Variants in AGBL3 observed in about 807,000 individuals in gnomAD.
The protein encoded by AGBL3 is cytosolic carboxypeptidase 3.
A neutral mutation model predicts 94.5 loss-of-function variants in AGBL3; 68 were observed. The observed-to-expected ratio is 0.72, with a 90% CI of 0.59 to 0.88. The LOEUF (loss-of-function observed/expected upper bound fraction) is 0.88, where lower values mean the gene tolerates loss of function less well. Ranked by LOEUF, AGBL3 falls within the 40% of genes least tolerant of loss-of-function variation. The pLI is 0.00. For missense variants in AGBL3, 934 were observed against 1,103.8 expected, an observed-to-expected ratio of 0.85 and a Z score of 2.18; for synonymous variants, 354 against 370.7, an observed-to-expected ratio of 0.95 and a Z score of 0.52.
intron 16 of AGBL3, among the ~76,000 whole-genome samples, chr7:135,124,656 G>C (rs930282438): frequency 3.3e-5 from 5 of 152,070 alleles, no homozygotes; most frequent in African/African-American, 1.2e-4. Context: ...AAGTAAAACA[G>C]TCCTCAACAA....
intron 12 of AGBL3, among the ~76,000 whole-genome samples, chr7:135,071,410 A>G (rs967784120): frequency 2.0e-5 from 3 of 152,274 alleles, no homozygotes; most frequent in African/African-American, 7.2e-5. Context: ...GGAAAAAACT[A>G]CTTTAAAGTT....
At chr7:135,006,868 G>A (rs138015628) in intron 4 of AGBL3, among the ~76,000 whole-genome samples, 1 of 151,962 alleles carries the variant, frequency 6.6e-6, no homozygotes, top group African/African-American at 2.4e-5. Flanking sequence ...AGAAGACTAA[G>A]AGGATGTAAT....
Position 135,080,183 on chromosome 7 carries a change from T to C in AGBL3, c.1981-20T>C. ...TGTTGATAAAATAGCATTGTTTTCT[T>C]TGATTCTACATTCCATTAGGTTTAT... On this transcript the variant is annotated intron_variant, in intron 13 of 16. Transcript: ENST00000436302. 6.6e-7 allele frequency: 1 copy of C among 1,525,700 alleles called. No individual in the cohort carries two copies. The highest frequency in any genetic ancestry group is 1.2e-5 in the South Asian group (1 of 83,434). 94.5% of individuals were successfully genotyped at this position (1,525,700 alleles called of 1,614,324 possible). A position where few individuals can be genotyped will look rare whatever the true frequency, so the allele number is the denominator to read the frequency against.
At chr7:135,061,961 C>G (rs1000002142) in intron 12 of AGBL3, among the ~76,000 whole-genome samples, 1 of 151,958 alleles carries the variant, frequency 6.6e-6, no homozygotes, top group African/African-American at 2.4e-5. Flanking sequence ...ATCTGTAGAT[C>G]ACTTTGGGTA....
At chr7:135,059,479 C>T (rs1381575039) in intron 12 of AGBL3, among the ~76,000 whole-genome samples, 5 of 152,146 alleles carry the variant, frequency 3.3e-5, no homozygotes, top group Non-Finnish European at 7.4e-5. Flanking sequence ...AAAAGCCATA[C>T]AACTTGTTAG....
Position 135,034,934 on chromosome 7 carries a change from A to G in AGBL3, c.1337+6A>G, listed in dbSNP as rs1816154522. The G allele has an allele frequency of 1.4e-6, 2 of 1,479,748 alleles. No individual in the cohort carries two copies. The highest frequency in any genetic ancestry group is 2.5e-5 in the Admixed American group (1 of 39,404). The allele number at this position is 1,479,748 out of a possible 1,614,324, so 91.7% of individuals were successfully genotyped here. A position where few individuals can be genotyped will look rare whatever the true frequency, so the allele number is the denominator to read the frequency against. Reference sequence around the variant, plus strand: ...ACCCGGAACATGGTTCATAGGTAAAATAAGCCTCAAATTACCTCTGTGCTT... The same window carrying G: ...ACCCGGAACATGGTTCATAGGTAAAGTAAGCCTCAAATTACCTCTGTGCTT... On this transcript the variant is annotated splice_donor_region_variant and intron_variant, in intron 7 of 16. Transcript: ENST00000436302.
chr7:135,010,826 C>T (rs1307583349), intron 4 of AGBL3: 3 of 152,006 alleles, frequency 2.0e-5, no homozygotes, highest in Admixed American at 1.3e-4. Context: ...TTTAAAAGAC[C>T]TAAGTAAATA....
At chr7:135,030,077 A>G (rs1181010845) in intron 5 of AGBL3, among the ~76,000 whole-genome samples, 1 of 152,044 alleles carries the variant, frequency 6.6e-6, no homozygotes, top group African/African-American at 2.4e-5. Flanking sequence ...GAATTACCAA[A>G]ATATGACACA....
At chr7:134,999,122 T>C (rs1331611337) in intron 4 of AGBL3, among the ~76,000 whole-genome samples, 1 of 152,240 alleles carries the variant, frequency 6.6e-6, no homozygotes, top group Non-Finnish European at 1.5e-5. Flanking sequence ...TTAGACACTA[T>C]GGGCTGTAAA....
At position 135,034,463 on chromosome 7, in the gene AGBL3, A is replaced by G; in HGVS notation, c.872A>G (p.Asp291Gly). 6.4e-7 allele frequency: 1 copy of G among 1,551,800 alleles called. No individual in the cohort carries two copies. Among genetic ancestry groups the G allele is most frequent in the Non-Finnish European group, 8.7e-7 (1 of 1,146,996 alleles). Residue 291 changes from aspartate to glycine, a missense_variant, in exon 7 of 17, where the codon GAT (aspartate) becomes GGT (glycine). By Grantham distance (94) the Asp-to-Gly change is moderately conservative. This residue lies in a region of AGBL3 where 488 missense variants were observed against 563.6 expected (regional missense o/e 0.87). Transcript: ENST00000436302. ...ACATTTCAATTTCCACACAACAAAG[A>G]TACCTGCTACTTTGCTCATTGCTAT... ...TWTFQFPHNK[D>G]TCYFAHCYPY...
At chr7:135,049,469 ATTTGAG>A (rs1291175736) in intron 11 of AGBL3, among the ~76,000 whole-genome samples, 1 of 151,860 alleles carries the variant, frequency 6.6e-6, no homozygotes, top group African/African-American at 2.4e-5. Context: ...CTCTCCTTCT[ATTTGAG>A]TTTAAGAAGG....
chr7:135,092,985 G>C (rs116478347), intron 15 of AGBL3: 1 of 151,162 alleles, frequency 6.6e-6, no homozygotes, highest in Admixed American at 6.6e-5. Flanking sequence ...ATTCTTTCAT[G>C]ATTAAAAAAG....
At chr7:134,992,392 C>T (rs1417963429) in intron 3 of AGBL3, among the ~76,000 whole-genome samples, 1 of 152,228 alleles carries the variant, frequency 6.6e-6, no homozygotes, top group African/African-American at 2.4e-5. Context: ...CTCCCACTTT[C>T]CCATTTCTAA....
Position 135,032,800 on chromosome 7 carries a change from T to C in AGBL3, c.419-44T>C, listed in dbSNP as rs1184397094. On this transcript the variant is annotated intron_variant, in intron 5 of 16. Transcript: ENST00000436302. The stretch of plus-strand genomic sequence containing the variant: ...ACTCTGTGCAGAATAACCTTCTTAC[T>C]TTAGGTATACCTTGACATCTTTATG... 6 of 1,497,932 alleles carry C rather than the reference T, an allele frequency of 4.0e-6. No homozygotes were observed. In the East Asian group the frequency reaches 1.3e-4, roughly 31 times the overall value. 92.8% of individuals were successfully genotyped at this position (1,497,932 alleles called of 1,614,324 possible). A position where few individuals can be genotyped will look rare whatever the true frequency, so the allele number is the denominator to read the frequency against.
At chr7:135,057,300 T>G (rs1818425278) in intron 11 of AGBL3, among the ~76,000 whole-genome samples, 1 of 152,006 alleles carries the variant, frequency 6.6e-6, no homozygotes, top group Non-Finnish European at 1.5e-5. Flanking sequence ...ATAAAACTCC[T>G]AGGGGATAAC....
Position 134,989,274 on chromosome 7 carries a change from G to T in AGBL3, c.88G>T (p.Val30Leu). 1 of 1,547,700 alleles carries T rather than the reference G, an allele frequency of 6.5e-7. No individual in the cohort carries two copies. The highest frequency in any genetic ancestry group is 8.7e-7 in the Non-Finnish European group (1 of 1,145,164). Residue 30 changes from valine (V) to leucine (L), a missense_variant, in exon 3 of 17, where the codon GTA becomes TTA. By Grantham distance (32) the Val-to-Leu change is conservative. Coordinates refer to ENST00000436302, the MANE Select transcript of AGBL3 (RefSeq NM_178563.4). Reference protein sequence around the residue: ...ESDEDMFMKFVSEDLHRCALL... With the variant: ...ESDEDMFMKFLSEDLHRCALL... Reference sequence around the variant, plus strand: ...GGATGAGGATATGTTCATGAAATTTGTAAGTGAAGATCTTCATCGGTGTGC... The same window carrying T: ...GGATGAGGATATGTTCATGAAATTTTTAAGTGAAGATCTTCATCGGTGTGC...
At chr7:135,129,487 G>A in intron 16 of AGBL3, 1 of 772,920 alleles carries the variant, frequency 1.3e-6, no homozygotes, top group Admixed American at 1.7e-5. Context: ...TGACCATGTT[G>A]TGGAACTCCC....
chr7:135,111,079 G>C (rs1340355134), intron 15 of AGBL3, among the ~76,000 whole-genome samples: 1 of 152,042 alleles, frequency 6.6e-6, no homozygotes, highest in Non-Finnish European at 1.5e-5. Flanking sequence ...ACCCTCAGTA[G>C]ATGACCTAAC....
intron 12 of AGBL3, among the ~76,000 whole-genome samples, chr7:135,062,158 G>A (rs992959768): frequency 5.9e-5 from 9 of 151,886 alleles, no homozygotes; most frequent in South Asian, 2.1e-4. Flanking sequence ...TATTATAAAT[G>A]GAATTATGTT....
Sources: gnomAD v4.1 joint callset for allele counts (sites outside exome capture counted in the v4.1 genomes callset) on GRCh38, gnomAD v4.1.1 for gene constraint, gnomAD v4.1.1 regional missense constraint, MANE v1.5 for transcripts, NCBI Gene and HGNC (gene_info 2026-07-23, HGNC 2026-07-21) for gene names.